The following LRP1B variants were observed in gnomAD, a reference collection of about 807,000 sequenced individuals.
The protein encoded by LRP1B is low-density lipoprotein receptor-related protein 1B.
In LRP1B, 217 loss-of-function variants were observed where a neutral mutation model predicts 556.6. The observed-to-expected ratio is 0.39, with a 90% CI of 0.35 to 0.44. LRP1B has a LOEUF of 0.44. Among genes scored for constraint, LRP1B ranks in the 20% least tolerant of loss-of-function variants. The probability of loss-of-function intolerance (pLI) is 1.00; values close to 1 mark genes in which losing one functional copy is unlikely to be tolerated. For synonymous variants in LRP1B, 2,047 were observed against 1,865.8 expected (o/e 1.10, Z -2.50); for missense variants, 5,053 against 5,620.8 (o/e 0.90, Z 3.23).
intron 2 of LRP1B, among the ~76,000 whole-genome samples, chr2:141,617,467 C>A (rs991801006): frequency 6.6e-5 from 10 of 152,094 alleles, no homozygotes; most frequent in African/African-American, 2.4e-4. Context: ...GCATGCTAGC[C>A]TTTAAAGTAA....
At chr2:141,683,728 G>C (rs1271870429) in intron 2 of LRP1B, among the ~76,000 whole-genome samples, 2 of 152,128 alleles carry the variant, frequency 1.3e-5, no homozygotes, top group African/African-American at 4.8e-5. Context: ...AGCTTGTCTT[G>C]ATTGTAAAAG....
intron 2 of LRP1B, among the ~76,000 whole-genome samples, chr2:141,687,643 T>C (rs1053345021): frequency 6.6e-6 from 1 of 151,960 alleles, no homozygotes; most frequent in African/African-American, 2.4e-5. Context: ...CTTCTCCTGT[T>C]CCATGTTTGC....
In LRP1B at chr2:142,130,365, G is replaced by T. The variant is rs1707807929; in HGVS notation, c.82+283C>A. On this transcript the variant is annotated intron_variant, in intron 1 of 90. Coordinates refer to ENST00000389484, the MANE Select transcript of LRP1B (RefSeq NM_018557.3). Reference sequence around the variant, plus strand: ...ACATCTGCAGCGCTTAGAATTCGCGGACAGAAGCGCACAGCCAAGTGCACA... The same window carrying T: ...ACATCTGCAGCGCTTAGAATTCGCGTACAGAAGCGCACAGCCAAGTGCACA... Among the ~76,000 whole-genome samples the T allele has an allele frequency of 2.0e-5, 3 of 152,186 alleles. No individual in the cohort carries two copies. In the South Asian group the frequency reaches 6.2e-4, roughly 31 times the overall value.
At chr2:140,711,104 A>G (rs965170322) in intron 37 of LRP1B, among the ~76,000 whole-genome samples, 2 of 152,076 alleles carry the variant, frequency 1.3e-5, no homozygotes, top group Admixed American at 1.3e-4. Flanking sequence ...AGTCGTTTTA[A>G]GGAAGAAGGA....
chr2:140,954,503 T>C (rs1695816796), intron 18 of LRP1B, among the ~76,000 whole-genome samples: 2 of 152,030 alleles, frequency 1.3e-5, no homozygotes, highest in Admixed American at 1.3e-4. Flanking sequence ...AAATAAATCA[T>C]CCTAAGCATC....
At chr2:140,699,406 G>GT (rs1259973087) in intron 41 of LRP1B, among the ~76,000 whole-genome samples, 2 of 151,924 alleles carry the variant, frequency 1.3e-5, no homozygotes, top group Non-Finnish European at 2.9e-5. Context: ...TTAGTTATGG[G>GT]TAAGTAAATA....
At chr2:141,429,834 T>C (rs952300038) in intron 3 of LRP1B, among the ~76,000 whole-genome samples, 1 of 152,126 alleles carries the variant, frequency 6.6e-6, no homozygotes, top group Admixed American at 6.6e-5. Context: ...TAAGGTCTTC[T>C]TAGGTGAATG....
chr2:141,883,840 A>G (rs1015929635), intron 1 of LRP1B, among the ~76,000 whole-genome samples: 2 of 152,176 alleles, frequency 1.3e-5, no homozygotes, highest in Non-Finnish European at 2.9e-5. Context: ...GCTGTTTAAA[A>G]GAAAACAACA....
intron 41 of LRP1B, among the ~76,000 whole-genome samples, chr2:140,655,044 A>ATATATATATATATATATATATATATATC (rs1226436535): frequency 1.3e-5 from 2 of 151,978 alleles, no homozygotes; most frequent in African/African-American, 4.8e-5. Flanking sequence ...ATATATATAT[A>ATATATATATATATATATATATATATATC]TATCTCCTAG....
At chr2:141,383,439 G>A (rs1401633837) in intron 3 of LRP1B, among the ~76,000 whole-genome samples, 1 of 152,042 alleles carries the variant, frequency 6.6e-6, no homozygotes, top group Non-Finnish European at 1.5e-5. Flanking sequence ...TATTCACAAT[G>A]GCCAGGTTAT....
At chr2:141,679,265 T>C (rs1691018407) in intron 2 of LRP1B, among the ~76,000 whole-genome samples, 1 of 152,106 alleles carries the variant, frequency 6.6e-6, no homozygotes, top group African/African-American at 2.4e-5. Context: ...TTGCAGTGTA[T>C]GAAAGAACCT....
intron 43 of LRP1B, among the ~76,000 whole-genome samples, chr2:140,556,678 T>C (rs1338257054): frequency 6.6e-6 from 1 of 152,056 alleles, no homozygotes; most frequent in Non-Finnish European, 1.5e-5. Context: ...TCCCTACATC[T>C]GTTTGAAACA....
rs1416445919 is a variant in LRP1B, at chr2:140,456,562, G to T, written c.9856C>A (p.His3286Asn). Residue 3286 changes from histidine to asparagine, a missense_variant, in exon 62 of 91, where the codon CAT becomes AAT. His to Asn is a moderately conservative substitution (Grantham distance 68, BLOSUM62 1). Around this residue, in one of 5 missense-constraint regions of LRP1B, gnomAD observed 262 missense variants for 395.1 expected, o/e 0.66. Coordinates refer to ENST00000389484, the MANE Select transcript of LRP1B (RefSeq NM_018557.3). The part of the protein sequence containing the change: ...LCMINNGGCS[H>N]LCLLAPGKTH... ...TTTCCAGGGGCTAAAAGGCACAAAT[G>T]ACTGCAACCACCATTATTTATCATG... 1.2e-6 allele frequency: 2 copies of T among 1,612,854 alleles called. No individual in the cohort carries two copies. Among genetic ancestry groups the T allele is most frequent in the Admixed American group, 1.7e-5 (1 of 59,888 alleles).
At chr2:140,859,016 C>T (rs1017984060) in intron 27 of LRP1B, among the ~76,000 whole-genome samples, 1 of 152,038 alleles carries the variant, frequency 6.6e-6, no homozygotes, top group Non-Finnish European at 1.5e-5. Flanking sequence ...TACAGGGTTT[C>T]ACCATGTTGC....
chr2:141,192,083 G>A (rs1459257209), intron 6 of LRP1B, among the ~76,000 whole-genome samples: 1 of 151,850 alleles, frequency 6.6e-6, no homozygotes, highest in African/African-American at 2.4e-5. Context: ...TTAATAATAA[G>A]CCAAACACTT....
intron 41 of LRP1B, among the ~76,000 whole-genome samples, chr2:140,628,251 C>T (rs952062363): frequency 2.0e-5 from 3 of 152,084 alleles, no homozygotes; most frequent in Non-Finnish European, 4.4e-5. Flanking sequence ...GTCTATCTGG[C>T]TGGGCGCAGT....
chr2:141,248,460 G>C (rs553058487), intron 4 of LRP1B, among the ~76,000 whole-genome samples: 1 of 152,090 alleles, frequency 6.6e-6, no homozygotes, highest in African/African-American at 2.4e-5. Flanking sequence ...TGAAGACTTC[G>C]TATTAAACAG....
intron 66 of LRP1B, 28 bp downstream of exon 66, chr2:140,442,476 G>T: frequency 1.2e-6 from 2 of 1,601,000 alleles, no homozygotes; most frequent in South Asian, 2.3e-5. Context: ...AATACGGAGA[G>T]ATAAGACCCA....
intron 17 of LRP1B, among the ~76,000 whole-genome samples, chr2:140,988,077 T>C (rs1696979975): frequency 6.6e-6 from 1 of 152,128 alleles, no homozygotes; most frequent in Admixed American, 6.6e-5. Context: ...GAACTGACCA[T>C]ACCTAAAATT....
Sources: gnomAD v4.1 joint callset for allele counts (sites outside exome capture counted in the v4.1 genomes callset) on GRCh38, gnomAD v4.1.1 for gene constraint, gnomAD v4.1.1 regional missense constraint, MANE v1.5 for transcripts, NCBI Gene and HGNC (gene_info 2026-07-23, HGNC 2026-07-21) for gene names.